Variants in NRG3 observed in about 807,000 individuals in gnomAD.
NRG3 encodes neuregulin 3.
NRG3 carries 31 observed loss-of-function variants against 66.9 expected under a neutral mutation model. That is an observed-to-expected ratio of 0.46 (90% CI 0.35 to 0.63). The LOEUF (loss-of-function observed/expected upper bound fraction) is 0.63. NRG3 is among the 20% of genes least tolerant of loss of function. The pLI, the probability that NRG3 is intolerant of heterozygous loss-of-function variation, is 0.00. For synonymous variants in NRG3, 393 were observed against 359.4 expected (o/e 1.09, Z -1.06); for missense variants, 910 against 878.9 (o/e 1.04, Z -0.45).
At position 82,724,008 on chromosome 10, in the gene NRG3, T is replaced by TAAAAAAAA. The variant is rs1565242500; in HGVS notation, c.954-14563_954-14562insAAAAAAAA. 1.1e-4 allele frequency among the ~76,000 whole-genome samples: 16 copies of TAAAAAAAA among 143,966 alleles called. 1 individual carries two copies. Among genetic ancestry groups the TAAAAAAAA allele is most frequent in the African/African-American group, 4.0e-4 (15 of 37,188 alleles). The allele number at this position is 143,966 out of a possible 152,430, so 94.4% of individuals were successfully genotyped here. ...AAAAAGTAAATAAATAAAAAAAATT[T>TAAAAAAAA]AAAAAATAAAAGCATAAATGAATGA... On this transcript the variant is annotated intron_variant, in intron 2 of 8. Transcript: ENST00000372141.
chr10:82,271,143 A>G (rs2134314242), intron 1 of NRG3, among the ~76,000 whole-genome samples: 1 of 152,210 alleles, frequency 6.6e-6, no homozygotes, highest in Non-Finnish European at 1.5e-5. Context: ...TTTGAGGTAT[A>G]GGGAACCAGA....
At chr10:82,623,911 G>C (rs567936183) in intron 2 of NRG3, among the ~76,000 whole-genome samples, 46 of 152,146 alleles carry the variant, frequency 3.0e-4, no homozygotes, top group African/African-American at 1.1e-3. Context: ...TGTATGATAG[G>C]GAAGGGACCC....
chr10:82,528,565 A>G (rs1846945744), intron 2 of NRG3, among the ~76,000 whole-genome samples: 1 of 152,156 alleles, frequency 6.6e-6, no homozygotes, highest in South Asian at 2.1e-4. Flanking sequence ...TCCTGGACTT[A>G]TCAGGGACAG....
intron 1 of NRG3, among the ~76,000 whole-genome samples, chr10:82,338,208 C>T: frequency 6.6e-6 from 1 of 152,186 alleles, no homozygotes; most frequent in East Asian, 1.9e-4. Context: ...GTAGGTAGTG[C>T]ACTTGTGAGA....
chr10:82,641,600 C>T (rs2050587111), intron 2 of NRG3, among the ~76,000 whole-genome samples: 1 of 152,218 alleles, frequency 6.6e-6, no homozygotes, highest in African/African-American at 2.4e-5. Flanking sequence ...ACTCATGATC[C>T]AACCTGGAGC....
chr10:82,442,766 G>T (rs2136458939), intron 2 of NRG3, among the ~76,000 whole-genome samples: 1 of 110,950 alleles, frequency 9.0e-6, no homozygotes, highest in Non-Finnish European at 1.8e-5. Context: ...GAGCACCAAA[G>T]ATCTTATTTC....
intron 1 of NRG3, among the ~76,000 whole-genome samples, chr10:82,279,153 G>A (rs932900700): frequency 6.6e-6 from 1 of 152,110 alleles, no homozygotes; most frequent in African/African-American, 2.4e-5. Flanking sequence ...AGGAAGAAAT[G>A]GATTTATTTT....
chr10:82,427,896 T>A (rs955822342), intron 2 of NRG3, among the ~76,000 whole-genome samples: 3 of 152,062 alleles, frequency 2.0e-5, no homozygotes, highest in African/African-American at 7.2e-5. Flanking sequence ...ATTTGCTATA[T>A]ATATTCAGAT....
At chr10:82,812,611 CAATAAAACAAAAA>C (rs2061535656) in intron 3 of NRG3, among the ~76,000 whole-genome samples, 1 of 152,016 alleles carries the variant, frequency 6.6e-6, no homozygotes, top group Non-Finnish European at 1.5e-5. Flanking sequence ...AAAACCACAT[CAATAAAACAAAAA>C]ATGAATTTAA....
intron 2 of NRG3, among the ~76,000 whole-genome samples, chr10:82,674,550 A>T (rs1433462887): frequency 6.6e-6 from 1 of 152,146 alleles, no homozygotes; most frequent in Non-Finnish European, 1.5e-5. Context: ...AAGTAATTGA[A>T]TATAGTCCCC....
At chr10:82,290,989 C>T (rs949159150) in intron 1 of NRG3, among the ~76,000 whole-genome samples, 1 of 152,052 alleles carries the variant, frequency 6.6e-6, no homozygotes, top group East Asian at 1.9e-4. Flanking sequence ...AACACACACA[C>T]ATACACATTA....
chr10:82,809,291 T>C (rs1409157958), intron 3 of NRG3, among the ~76,000 whole-genome samples: 4 of 152,286 alleles, frequency 2.6e-5, no homozygotes, highest in South Asian at 2.1e-4. Context: ...GTAGAAGATA[T>C]GGGATTTGAA....
At chr10:82,021,116 G>A (rs757883231) in intron 1 of NRG3, among the ~76,000 whole-genome samples, 4 of 152,038 alleles carry the variant, frequency 2.6e-5, no homozygotes, top group Non-Finnish European at 4.4e-5. Context: ...TTCCTGCAGT[G>A]TGGAGCTGTG....
chr10:82,150,526 CACACAAA>C (rs1300288022), intron 1 of NRG3, among the ~76,000 whole-genome samples: 25 of 17,136 alleles, frequency 1.5e-3, no homozygotes, highest in African/African-American at 3.1e-3. Flanking sequence ...AAAAAGAGCA[CACACAAA>C]AAAAAAAAAA....
chr10:82,752,137 T>A (rs1414337), intron 3 of NRG3, among the ~76,000 whole-genome samples: 1 of 152,120 alleles, frequency 6.6e-6, no homozygotes, highest in African/African-American at 2.4e-5. Flanking sequence ...ATTCACCCAA[T>A]GTCTATGACT....
chr10:82,033,819 ACT>A (rs1441473505), intron 1 of NRG3, among the ~76,000 whole-genome samples: 2 of 152,008 alleles, frequency 1.3e-5, no homozygotes, highest in African/African-American at 4.8e-5. Flanking sequence ...CTACAACCTT[ACT>A]CTCTGATCCC....
At position 82,226,585 on chromosome 10, in the gene NRG3, G is replaced by A. The variant is rs117865624; in HGVS notation, c.824-132154G>A. Among the ~76,000 whole-genome samples, 48 of 152,138 alleles carry A rather than the reference G, an allele frequency of 3.2e-4. No individual in the cohort carries two copies. In the East Asian group the frequency reaches 6.4e-3, roughly 20 times the overall value. On this transcript the variant is annotated intron_variant, in intron 1 of 8. Coordinates refer to ENST00000372141, the MANE Select transcript of NRG3 (RefSeq NM_001010848.4). ...AGCCCTTATATCCTAGAATTGTGAG[G>A]ATAATTATTAGCAGGTCATATGATA...
chr10:82,681,422 C>T (rs2054104487), intron 2 of NRG3, among the ~76,000 whole-genome samples: 1 of 152,120 alleles, frequency 6.6e-6, no homozygotes, highest in South Asian at 2.1e-4. Flanking sequence ...TTATAAGCTT[C>T]ATAAAATTAA....
intron 3 of NRG3, among the ~76,000 whole-genome samples, chr10:82,784,193 A>G (rs1259085615): frequency 6.6e-6 from 1 of 152,184 alleles, no homozygotes; most frequent in Non-Finnish European, 1.5e-5. Context: ...CTTACACCTT[A>G]TACAAAAATG....
Sources: gnomAD v4.1 joint callset for allele counts (sites outside exome capture counted in the v4.1 genomes callset) on GRCh38, gnomAD v4.1.1 for gene constraint, MANE v1.5 for transcripts, NCBI Gene and HGNC (gene_info 2026-07-23, HGNC 2026-07-21) for gene names.